The following PTPRT variants were observed in gnomAD, a reference collection of about 807,000 sequenced individuals.
PTPRT encodes the protein receptor-type tyrosine-protein phosphatase T.
Under a neutral mutation model 176.8 loss-of-function variants are expected in PTPRT, and 56 were observed. The ratio of observed to expected loss-of-function variants is 0.32; its 90% confidence interval spans 0.26 to 0.40. The LOEUF is 0.40. PTPRT is among the 10% of genes least tolerant of loss of function. The probability of loss-of-function intolerance (pLI) is 1.00; values close to 1 mark genes in which losing one functional copy is unlikely to be tolerated. For missense variants in PTPRT, 1,540 were observed against 1,908.2 expected, an observed-to-expected ratio of 0.81 and a Z score of 3.60; for synonymous variants, 783 against 739.0, an observed-to-expected ratio of 1.06 and a Z score of -0.96.
chr20:42,213,389 G>A (rs1220808262), intron 15 of PTPRT, among the ~76,000 whole-genome samples: 3 of 152,094 alleles, frequency 2.0e-5, no homozygotes, highest in Admixed American at 1.3e-4. Flanking sequence ...CCCTCTCTGT[G>A]TATTGATTTC....
At chr20:42,683,324 C>A (rs1273718213) in intron 6 of PTPRT, among the ~76,000 whole-genome samples, 1 of 122,232 alleles carries the variant, frequency 8.2e-6, no homozygotes, top group African/African-American at 3.2e-5. Context: ...GTCACCCAGG[C>A]TGGAGTGCAG....
At chr20:42,258,133 T>C (rs924017189) in intron 13 of PTPRT, among the ~76,000 whole-genome samples, 17 of 152,214 alleles carry the variant, frequency 1.1e-4, no homozygotes, top group African/African-American at 1.9e-4. Flanking sequence ...GAATCTTCCA[T>C]TGACCAGCCA....
intron 1 of PTPRT, among the ~76,000 whole-genome samples, chr20:43,106,518 G>T (rs1232343537): frequency 6.6e-6 from 1 of 151,846 alleles, no homozygotes; most frequent in Admixed American, 6.6e-5. Flanking sequence ...TTAGCTGGGC[G>T]TGATGGCGGG....
intron 17 of PTPRT, among the ~76,000 whole-genome samples, chr20:42,152,011 G>A (rs1285143194): frequency 1.3e-5 from 2 of 152,206 alleles, no homozygotes; most frequent in African/African-American, 4.8e-5. Context: ...TACTGATGTC[G>A]ATGGTCAGCT....
chr20:42,099,557 G>A (rs1290784674), intron 26 of PTPRT, among the ~76,000 whole-genome samples: 1 of 42,850 alleles, frequency 2.3e-5, no homozygotes, highest in South Asian at 1.4e-3. Flanking sequence ...GGGGGGGGGG[G>A]GGGTGGGGTG....
Position 43,128,255 on chromosome 20 carries a change from C to T in PTPRT, c.88+61391G>A, listed in dbSNP as rs746038392. On this transcript the variant is annotated intron_variant, in intron 1 of 30. Transcript: ENST00000373187. Reference sequence around the variant, plus strand: ...TGGGAGATGTTCAGTTGAACACTTACGGACATAAAAAAGGACAAACAGATA... The same window carrying T: ...TGGGAGATGTTCAGTTGAACACTTATGGACATAAAAAAGGACAAACAGATA... Among the ~76,000 whole-genome samples, 6 of 152,098 alleles carry T rather than the reference C, an allele frequency of 3.9e-5. No individual in the cohort carries two copies. The East Asian group carries it at 7.7e-4, about 20-fold the overall frequency.
intron 16 of PTPRT, among the ~76,000 whole-genome samples, chr20:42,193,887 G>T (rs527630116): frequency 5.9e-5 from 9 of 152,124 alleles, no homozygotes; most frequent in South Asian, 2.1e-4. Flanking sequence ...TAAATTGTAG[G>T]TTCTTTTATT....
At chr20:42,942,863 A>G (rs995459930) in intron 1 of PTPRT, among the ~76,000 whole-genome samples, 1 of 152,236 alleles carries the variant, frequency 6.6e-6, no homozygotes, top group African/African-American at 2.4e-5. Context: ...GAAGTGTTCA[A>G]TAAATGTCTA....
chr20:42,181,121 A>C (rs1436976925), intron 16 of PTPRT, among the ~76,000 whole-genome samples: 1 of 152,224 alleles, frequency 6.6e-6, no homozygotes, highest in Admixed American at 6.5e-5. Context: ...TTCCCATTTA[A>C]ATACAATATG....
chr20:42,985,966 G>T (rs569602330), intron 1 of PTPRT, among the ~76,000 whole-genome samples: 1 of 152,164 alleles, frequency 6.6e-6, no homozygotes, highest in South Asian at 2.1e-4. Context: ...ATTTATGACC[G>T]TGAACCACAG....
intron 7 of PTPRT, among the ~76,000 whole-genome samples, chr20:42,606,491 C>T (rs1327594327): frequency 6.6e-6 from 1 of 152,182 alleles, no homozygotes; most frequent in East Asian, 1.9e-4. Flanking sequence ...ATGACAGCCG[C>T]CATTCATATA....
chr20:42,081,077 C>A, intron 30 of PTPRT, 145 bp from the exon 31 acceptor site: 1 of 639,592 alleles, frequency 1.6e-6, no homozygotes, highest in Non-Finnish European at 2.7e-6. Context: ...TCAAAATTAC[C>A]CATATCTGGA....
chr20:43,154,892 C>T (rs561979984), intron 1 of PTPRT, among the ~76,000 whole-genome samples: 3 of 151,856 alleles, frequency 2.0e-5, no homozygotes, highest in African/African-American at 4.8e-5. Flanking sequence ...GCAAAAGACT[C>T]GAATAGACAT....
chr20:42,457,894 G>T (rs1389218263), intron 8 of PTPRT, among the ~76,000 whole-genome samples: 1 of 152,096 alleles, frequency 6.6e-6, no homozygotes, highest in Non-Finnish European at 1.5e-5. Flanking sequence ...AGGCTTGGAG[G>T]GGGAGCTCTC....
intron 9 of PTPRT, among the ~76,000 whole-genome samples, chr20:42,387,150 C>T (rs1296666358): frequency 1.3e-5 from 2 of 152,196 alleles, no homozygotes; most frequent in Non-Finnish European, 2.9e-5. Flanking sequence ...ATACTCTCTT[C>T]ATATTAAACA....
At chr20:42,839,872 AT>A (rs2078246903) in intron 2 of PTPRT, among the ~76,000 whole-genome samples, 1 of 152,150 alleles carries the variant, frequency 6.6e-6, no homozygotes, top group African/African-American at 2.4e-5. Flanking sequence ...TGAGATCCTA[AT>A]GAAGTTAGAC....
intron 1 of PTPRT, among the ~76,000 whole-genome samples, chr20:43,045,953 A>C (rs1171784813): frequency 1.3e-5 from 2 of 152,218 alleles, no homozygotes; most frequent in Non-Finnish European, 2.9e-5. Context: ...ACAAGGACTA[A>C]GTCATGCAGA....
intron 2 of PTPRT, among the ~76,000 whole-genome samples, chr20:42,803,747 TTTCACCATGTTGGCCAGG>T (rs1365423843): frequency 6.6e-6 from 1 of 152,178 alleles, no homozygotes. Context: ...AGAGACAGCA[TTTCACCATGTTGGCCAGG>T]TTGGTCTAGA....
At chr20:42,152,136 C>T (rs1404780045) in intron 17 of PTPRT, among the ~76,000 whole-genome samples, 2 of 152,220 alleles carry the variant, frequency 1.3e-5, no homozygotes, top group Non-Finnish European at 2.9e-5. Context: ...TTATTATGAA[C>T]ATTTTCTGGA....
Sources: gnomAD v4.1 joint callset for allele counts (sites outside exome capture counted in the v4.1 genomes callset) on GRCh38, gnomAD v4.1.1 for gene constraint, MANE v1.5 for transcripts, NCBI Gene and HGNC (gene_info 2026-07-23, HGNC 2026-07-21) for gene names.